CRPPA: variants seen among roughly 807,000 people sequenced by gnomAD.
CRPPA encodes the protein CDP-L-ribitol pyrophosphorylase A.
Under a neutral mutation model 52.0 loss-of-function variants are expected in CRPPA, and 43 were observed. The observed-to-expected ratio is 0.83, with a 90% confidence interval of 0.65 to 1.07. The LOEUF (loss-of-function observed/expected upper bound fraction) is 1.07. Ranked by LOEUF, CRPPA falls within the 50% of genes least tolerant of loss-of-function variation. The pLI is 0.00. For missense variants in CRPPA, 629 were observed against 551.7 expected (o/e 1.14, Z -1.40); for synonymous variants, 250 against 203.5 (o/e 1.23, Z -1.94).
At chr7:16,104,223 G>A (rs1782104031) in intron 9 of CRPPA, among the ~76,000 whole-genome samples, 1 of 152,190 alleles carries the variant, frequency 6.6e-6, no homozygotes, top group Non-Finnish European at 1.5e-5. Flanking sequence ...GAATAGAGTA[G>A]TGCCAATTTT....
intron 6 of CRPPA, among the ~76,000 whole-genome samples, chr7:16,262,620 G>C (rs1464448978): frequency 6.6e-6 from 1 of 152,254 alleles, no homozygotes; most frequent in East Asian, 1.9e-4. Flanking sequence ...ATGAATTAGA[G>C]TGTTAAAACA....
intron 8 of CRPPA, among the ~76,000 whole-genome samples, chr7:16,246,136 A>T (rs553171014): frequency 8.4e-4 from 127 of 150,778 alleles, no homozygotes; most frequent in Middle Eastern, 3.4e-3. Context: ...ATCTTCTCAA[A>T]CCCTGCCACT....
intron 9 of CRPPA, among the ~76,000 whole-genome samples, chr7:16,203,601 T>C (rs143866314): frequency 0.011 from 1,750 of 152,188 alleles, 43 homozygotes; most frequent in African/African-American, 0.04. Context: ...AACCAAATTA[T>C]TGGGTATAGA....
intron 9 of CRPPA, among the ~76,000 whole-genome samples, chr7:16,172,215 A>T (rs1781203851): frequency 6.6e-6 from 1 of 152,164 alleles, no homozygotes; most frequent in Admixed American, 6.5e-5. Flanking sequence ...GCCATCATAC[A>T]AGAAGACTGA....
intron 9 of CRPPA, among the ~76,000 whole-genome samples, chr7:16,210,080 C>CT (rs1172058069): frequency 4.6e-5 from 7 of 152,100 alleles, no homozygotes; most frequent in African/African-American, 1.4e-4. Context: ...TAAGTTTTGC[C>CT]TTTCTAACAC....
intron 9 of CRPPA, among the ~76,000 whole-genome samples, chr7:16,213,295 GAAT>G (rs1480030834): frequency 2.0e-5 from 3 of 152,038 alleles, no homozygotes; most frequent in Non-Finnish European, 4.4e-5. Context: ...AATGAAAAGT[GAAT>G]AATATTTTAC....
chr7:16,164,908 G>T (rs1323149393), intron 9 of CRPPA, among the ~76,000 whole-genome samples: 1 of 152,008 alleles, frequency 6.6e-6, no homozygotes, highest in Non-Finnish European at 1.5e-5. Context: ...CCTGCCAGAT[G>T]CCAGCCAGAG....
intron 2 of CRPPA, among the ~76,000 whole-genome samples, chr7:16,389,271 C>T (rs1489709147): frequency 6.6e-6 from 1 of 152,038 alleles, no homozygotes; most frequent in Non-Finnish European, 1.5e-5. Context: ...TATCCTAATA[C>T]CAAAAACAAA....
intron 8 of CRPPA, among the ~76,000 whole-genome samples, chr7:16,257,586 C>A (rs930669086): frequency 6.6e-6 from 1 of 152,018 alleles, no homozygotes. Flanking sequence ...ATTTATATTG[C>A]AAATTATCTT....
intron 2 of CRPPA, among the ~76,000 whole-genome samples, chr7:16,378,958 GT>G (rs1469838064): frequency 2.0e-5 from 3 of 151,974 alleles, no homozygotes; most frequent in Non-Finnish European, 4.4e-5. Flanking sequence ...TGATGGGGTT[GT>G]TTTTTTCTTG....
intron 3 of CRPPA, among the ~76,000 whole-genome samples, chr7:16,353,279 GGAGTA>G (rs1786205065): frequency 6.6e-6 from 1 of 152,144 alleles, no homozygotes; most frequent in Non-Finnish European, 1.5e-5. Context: ...CTTGAGCCCA[GGAGTA>G]GAGGGTGCAG....
chr7:16,253,835 C>G (rs1233255360), intron 8 of CRPPA, among the ~76,000 whole-genome samples: 2 of 151,824 alleles, frequency 1.3e-5, no homozygotes, highest in Admixed American at 1.3e-4. Flanking sequence ...TGCAATCTAC[C>G]CATCTGACAA....
In CRPPA at chr7:16,286,271, G is replaced by A. The variant is rs1784446682; in HGVS notation, c.836-8045C>T. On this transcript the variant is annotated intron_variant, in intron 5 of 9. Coordinates refer to ENST00000407010, the MANE Select transcript of CRPPA (RefSeq NM_001101426.4). ...GATGAGATTAATATTTAACTAGGTA[G>A]AATGAATAAAGCAGATGGCTTTTCA... 1.3e-5 allele frequency among the ~76,000 whole-genome samples: 2 copies of A among 150,438 alleles called. 1 individual carries two copies.
intron 6 of CRPPA, among the ~76,000 whole-genome samples, chr7:16,268,400 G>A (rs577036469): frequency 6.6e-6 from 1 of 152,074 alleles, no homozygotes; most frequent in African/African-American, 2.4e-5. Flanking sequence ...CCCAATATTT[G>A]TTCAACCTGA....
chr7:16,409,196 TG>T (rs1375333399), intron 1 of CRPPA, among the ~76,000 whole-genome samples: 1 of 152,156 alleles, frequency 6.6e-6, no homozygotes, highest in African/African-American at 2.4e-5. Context: ...ACCCCATGCA[TG>T]GCCAGCCTCT....
intron 8 of CRPPA, among the ~76,000 whole-genome samples, chr7:16,240,542 C>G (rs534664202): frequency 6.6e-6 from 1 of 150,942 alleles, no homozygotes; most frequent in South Asian, 2.1e-4. Flanking sequence ...GACTGGCCTG[C>G]TCTTAAAGTC....
chr7:16,228,797 G>T, intron 8 of CRPPA, among the ~76,000 whole-genome samples: 1 of 151,952 alleles, frequency 6.6e-6, no homozygotes, highest in East Asian at 1.9e-4. Context: ...AATATCCTAT[G>T]TATGTCTGTT....
intron 5 of CRPPA, among the ~76,000 whole-genome samples, chr7:16,286,562 A>ATCAACGGATGT (rs72323274): frequency 5.9e-5 from 9 of 151,666 alleles, no homozygotes; most frequent in Admixed American, 3.9e-4. Flanking sequence ...TTACTCATCA[A>ATCAACGGATGT]TTCCTACCAA....
chr7:16,393,688 A>G (rs1220799271), intron 2 of CRPPA, among the ~76,000 whole-genome samples: 2 of 152,154 alleles, frequency 1.3e-5, no homozygotes, highest in Non-Finnish European at 2.9e-5. Flanking sequence ...GGCAAAAACA[A>G]AAACCATAAA....
Sources: gnomAD v4.1 joint callset for allele counts (sites outside exome capture counted in the v4.1 genomes callset) on GRCh38, gnomAD v4.1.1 for gene constraint, MANE v1.5 for transcripts, NCBI Gene and HGNC (gene_info 2026-07-23, HGNC 2026-07-21) for gene names.